ASCC3: variants seen among roughly 807,000 people sequenced by gnomAD.
ASCC3 encodes the protein activating signal cointegrator 1 complex subunit 3.
A neutral mutation model predicts 256.3 loss-of-function variants in ASCC3; 158 were observed. The ratio of observed to expected loss-of-function variants is 0.62; its 90% CI spans 0.54 to 0.70. The LOEUF (loss-of-function observed/expected upper bound fraction) is 0.70, where lower values mean the gene tolerates loss of function less well. Among genes scored for constraint, ASCC3 ranks in the 30% least tolerant of loss-of-function variants. ASCC3 has a pLI of 0.00. For synonymous variants in ASCC3, 948 were observed against 883.4 expected (o/e 1.07, Z -1.30); for missense variants, 2,259 against 2,626.0 (o/e 0.86, Z 3.05).
intron 4 of ASCC3, among the ~76,000 whole-genome samples, chr6:100,828,101 A>AACG (rs1427173809): frequency 6.6e-6 from 1 of 151,256 alleles, no homozygotes; most frequent in Non-Finnish European, 1.5e-5. Flanking sequence ...CTAAAAAAAA[A>AACG]AAAAAAACGA....
intron 34 of ASCC3, among the ~76,000 whole-genome samples, chr6:100,595,953 G>A (rs1008095676): frequency 6.6e-6 from 1 of 151,842 alleles, no homozygotes; most frequent in African/African-American, 2.4e-5. Flanking sequence ...AAAGATAAAT[G>A]CTTATTTTAT....
intron 10 of ASCC3, among the ~76,000 whole-genome samples, chr6:100,753,378 A>G (rs1002242120): frequency 2.6e-5 from 4 of 151,872 alleles, no homozygotes; most frequent in Non-Finnish European, 5.9e-5. Context: ...CATTAAAATT[A>G]AAGTGATATT....
At chr6:100,764,221 G>C (rs529644711) in intron 10 of ASCC3, among the ~76,000 whole-genome samples, 2 of 152,302 alleles carry the variant, frequency 1.3e-5, no homozygotes, top group South Asian at 4.1e-4. Context: ...CAAAAGCACA[G>C]ACTTTGTGCA....
chr6:100,740,710 T>C (rs1017599806), intron 10 of ASCC3, among the ~76,000 whole-genome samples: 10 of 152,330 alleles, frequency 6.6e-5, no homozygotes, highest in Admixed American at 4.6e-4. Context: ...AAAATCTGCA[T>C]TGTCAGAAAC....
intron 4 of ASCC3, among the ~76,000 whole-genome samples, chr6:100,814,778 A>G (rs555595346): frequency 9.4e-4 from 143 of 152,174 alleles, no homozygotes; most frequent in Non-Finnish European, 1.7e-3. Context: ...CTGTGGGGTC[A>G]GTGGTGATAT....
At chr6:100,559,275 C>A (rs921475427) in intron 36 of ASCC3, among the ~76,000 whole-genome samples, 1 of 152,080 alleles carries the variant, frequency 6.6e-6, no homozygotes, top group Non-Finnish European at 1.5e-5. Flanking sequence ...TTTACAACTC[C>A]AAATTACATT....
At chr6:100,527,121 T>C (rs986982141) in intron 37 of ASCC3, among the ~76,000 whole-genome samples, 1 of 152,156 alleles carries the variant, frequency 6.6e-6, no homozygotes, top group African/African-American at 2.4e-5. Flanking sequence ...GTCGGTGTTG[T>C]TATAGTTGAT....
At chr6:100,622,360 T>C (rs1773999605) in intron 30 of ASCC3, among the ~76,000 whole-genome samples, 1 of 152,168 alleles carries the variant, frequency 6.6e-6, no homozygotes, top group Admixed American at 6.6e-5. Context: ...CTGATCGTTT[T>C]ATACCGGGCT....
intron 4 of ASCC3, among the ~76,000 whole-genome samples, chr6:100,841,340 AT>A (rs1254943016): frequency 1.3e-5 from 2 of 152,054 alleles, no homozygotes; most frequent in Non-Finnish European, 2.9e-5. Flanking sequence ...CTTGAGAAAT[AT>A]TTTTTTAAAA....
At chr6:100,719,692 A>ACACT (rs1382320087) in intron 11 of ASCC3, among the ~76,000 whole-genome samples, 1 of 151,994 alleles carries the variant, frequency 6.6e-6, no homozygotes, top group Non-Finnish European at 1.5e-5. Context: ...TCAAGTCTAT[A>ACACT]CACTATACCT....
intron 13 of ASCC3, among the ~76,000 whole-genome samples, chr6:100,694,419 G>C (rs753950585): frequency 6.6e-6 from 1 of 152,070 alleles, no homozygotes; most frequent in Non-Finnish European, 1.5e-5. Context: ...ACAGCAGTGA[G>C]ACAGCAGTGA....
At chr6:100,778,526 T>G (rs1055982472) in intron 8 of ASCC3, among the ~76,000 whole-genome samples, 2 of 152,150 alleles carry the variant, frequency 1.3e-5, no homozygotes, top group African/African-American at 4.8e-5. Context: ...ATCTTCTTTT[T>G]GTCAATTAGG....
intron 3 of ASCC3, chr6:100,856,658 C>T (rs1158424645): frequency 2.6e-5 from 4 of 154,682 alleles, no homozygotes; most frequent in Admixed American, 1.3e-4. Context: ...TCAAAAGCAG[C>T]CACTATCCTG....
chr6:100,803,526 T>C (rs954370024), intron 5 of ASCC3, among the ~76,000 whole-genome samples: 1 of 152,140 alleles, frequency 6.6e-6, no homozygotes, highest in Non-Finnish European at 1.5e-5. Context: ...CCTTTGTTTA[T>C]AAATTACCCA....
chr6:100,568,254 G>A (rs1351636549), intron 36 of ASCC3, among the ~76,000 whole-genome samples: 1 of 151,682 alleles, frequency 6.6e-6, no homozygotes, highest in Non-Finnish European at 1.5e-5. Context: ...TATAATCCCA[G>A]CTACTAGGGA....
At chr6:100,721,972 C>T (rs971200711) in intron 11 of ASCC3, among the ~76,000 whole-genome samples, 1 of 151,734 alleles carries the variant, frequency 6.6e-6, no homozygotes, top group African/African-American at 2.4e-5. Flanking sequence ...TAAGATCTTA[C>T]ATTTAAATCT....
At chr6:100,834,588 A>G (rs1771785678) in intron 4 of ASCC3, among the ~76,000 whole-genome samples, 2 of 152,170 alleles carry the variant, frequency 1.3e-5, no homozygotes, top group Non-Finnish European at 1.5e-5. Flanking sequence ...GGCAAACACA[A>G]TGCTAGCAAA....
chr6:100,617,307 C>T (rs1773717769), intron 30 of ASCC3, among the ~76,000 whole-genome samples: 2 of 152,012 alleles, frequency 1.3e-5, no homozygotes, highest in Non-Finnish European at 2.9e-5. Context: ...CGTGCCTGGC[C>T]CAGTATTCTG....
chr6:100,647,494 C>T, intron 20 of ASCC3, 43 bp from the exon 21 acceptor site: 1 of 1,529,920 alleles, frequency 6.5e-7, no homozygotes. Flanking sequence ...ACCCAATGTG[C>T]TTTTAAATTT....
Sources: gnomAD v4.1 joint callset for allele counts (sites outside exome capture counted in the v4.1 genomes callset) on GRCh38, gnomAD v4.1.1 for gene constraint, MANE v1.5 for transcripts, NCBI Gene and HGNC (gene_info 2026-07-23, HGNC 2026-07-21) for gene names.